Variants in SLF1 observed in about 807,000 individuals in gnomAD.
SLF1 encodes the protein SMC5-SMC6 complex localization factor protein 1.
SLF1 carries 105 observed loss-of-function variants against 123.0 expected under a neutral mutation model. The ratio of observed to expected loss-of-function variants is 0.85; its 90% CI spans 0.73 to 1.00. The LOEUF (loss-of-function observed/expected upper bound fraction) is 1.00. SLF1 is among the 50% of genes least tolerant of loss of function. The pLI is 0.00. For synonymous variants in SLF1, 434 were observed against 406.6 expected, an observed-to-expected ratio of 1.07 and a Z score of -0.81; for missense variants, 1,239 against 1,223.0, an observed-to-expected ratio of 1.01 and a Z score of -0.20.
intron 14 of SLF1, 52 bp from the exon 15 acceptor site, chr5:94,678,754 CAG>C (rs1173000669): frequency 2.7e-6 from 4 of 1,460,122 alleles, no homozygotes; most frequent in East Asian, 2.5e-5. Flanking sequence ...TAAATACTAA[CAG>C]AAATTCAATA....
chr5:94,688,737 G>C (rs1752734521), intron 17 of SLF1, 68 bp downstream of exon 17: 1 of 1,528,282 alleles, frequency 6.5e-7, no homozygotes, highest in Non-Finnish European at 9.0e-7. Flanking sequence ...TGCATTTCTT[G>C]AACTTAATGG....
At chr5:94,686,997 C>T (rs1752508040) in intron 16 of SLF1, among the ~76,000 whole-genome samples, 1 of 152,186 alleles carries the variant, frequency 6.6e-6, no homozygotes, top group Non-Finnish European at 1.5e-5. Context: ...ATCTCCTGAC[C>T]TCGTGATCTG....
intron 15 of SLF1, among the ~76,000 whole-genome samples, chr5:94,683,082 A>C (rs933240566): frequency 6.6e-6 from 1 of 152,232 alleles, no homozygotes; most frequent in African/African-American, 2.4e-5. Flanking sequence ...AGAAGATGTC[A>C]TCAAAATTTA....
chr5:94,680,377 T>C (rs997679191), intron 15 of SLF1, among the ~76,000 whole-genome samples: 4 of 152,232 alleles, frequency 2.6e-5, no homozygotes, highest in South Asian at 2.1e-4. Context: ...TGCATGACTT[T>C]AACATTTCTT....
At chr5:94,676,692 G>A (rs545223298) in intron 14 of SLF1, among the ~76,000 whole-genome samples, 11 of 152,372 alleles carry the variant, frequency 7.2e-5, no homozygotes, top group African/African-American at 2.2e-4. Context: ...TGCCCTTGAT[G>A]TGATAGGACA....
intron 4 of SLF1, among the ~76,000 whole-genome samples, chr5:94,633,786 T>A (rs1252945445): frequency 1.3e-5 from 2 of 152,220 alleles, no homozygotes; most frequent in Non-Finnish European, 2.9e-5. Flanking sequence ...GAAATTTAAA[T>A]TCTCATTTTG....
rs1304812533 is a variant in SLF1 at position 94,689,625 on chromosome 5, T to A, written c.2419+19T>A. 2.5e-6 allele frequency: 4 copies of A among 1,592,510 alleles called. No homozygotes were observed. The East Asian group carries it at 9.0e-5, about 36-fold the overall frequency. ...CTAAAAGGTATTCCAAGTATTTAAA[T>A]TAATTTATGCTAAGAACTTTTCATG... On this transcript the variant is annotated intron_variant, in intron 18 of 20. Coordinates refer to ENST00000265140, the MANE Select transcript of SLF1 (RefSeq NM_032290.4).
intron 8 of SLF1, among the ~76,000 whole-genome samples, chr5:94,653,871 G>GATCT (rs1561444777): frequency 6.8e-6 from 1 of 146,622 alleles, no homozygotes; most frequent in East Asian, 2.0e-4. Flanking sequence ...TTTTTTTAAC[G>GATCT]ATCTAAACCA....
chr5:94,656,766 A>G (rs935500695), intron 9 of SLF1, among the ~76,000 whole-genome samples: 3 of 151,770 alleles, frequency 2.0e-5, no homozygotes, highest in African/African-American at 7.3e-5. Context: ...TCGTTGGTGT[A>G]TAGTTCATAA....
intron 5 of SLF1, among the ~76,000 whole-genome samples, chr5:94,647,114 C>T (rs1747153431): frequency 6.6e-6 from 1 of 152,158 alleles, no homozygotes; most frequent in Non-Finnish European, 1.5e-5. Flanking sequence ...CTCAAATCTT[C>T]CTTTCCTAGA....
At chr5:94,648,617 G>A (rs569924263) in intron 5 of SLF1, among the ~76,000 whole-genome samples, 1 of 152,334 alleles carries the variant, frequency 6.6e-6, no homozygotes, top group South Asian at 2.1e-4. Flanking sequence ...GAGTAGCTGA[G>A]ATTACAGGCA....
chr5:94,646,852 TTATTAC>T (rs1307508292), intron 5 of SLF1, among the ~76,000 whole-genome samples: 1 of 152,186 alleles, frequency 6.6e-6, no homozygotes, highest in East Asian at 1.9e-4. Context: ...ATTGTGAGAA[TTATTAC>T]TATTACTACC....
chr5:94,681,470 A>C (rs527371124), intron 15 of SLF1, among the ~76,000 whole-genome samples: 7 of 152,164 alleles, frequency 4.6e-5, no homozygotes. Flanking sequence ...GGTTCAAATT[A>C]ATATTTTTCT....
intron 5 of SLF1, among the ~76,000 whole-genome samples, chr5:94,647,795 A>G (rs1420287166): frequency 1.3e-5 from 2 of 152,238 alleles, no homozygotes; most frequent in Admixed American, 6.5e-5. Flanking sequence ...TTAGCTGTAT[A>G]GATAATAGAT....
chr5:94,666,175 AT>A (rs1194318383), intron 12 of SLF1, among the ~76,000 whole-genome samples, 151 bp downstream of exon 12: 1 of 152,246 alleles, frequency 6.6e-6, no homozygotes, highest in African/African-American at 2.4e-5. Context: ...TGCAAAACTT[AT>A]GAAAAGGCAA....
chr5:94,681,266 G>T (rs1394964924), intron 15 of SLF1, among the ~76,000 whole-genome samples: 1 of 151,852 alleles, frequency 6.6e-6, no homozygotes, highest in East Asian at 1.9e-4. Context: ...AGTAGCTGGG[G>T]TTATAGGTGT....
chr5:94,691,426 T>G, intron 18 of SLF1, 138 bp from the exon 19 acceptor site: 1 of 247,164 alleles, frequency 4.0e-6, no homozygotes, highest in Non-Finnish European at 7.6e-6. Context: ...ATGCAGGGGA[T>G]GTTTAAACCA....
intron 14 of SLF1, among the ~76,000 whole-genome samples, chr5:94,675,023 G>A (rs1416616946): frequency 6.6e-6 from 1 of 152,230 alleles, no homozygotes; most frequent in Non-Finnish European, 1.5e-5. Flanking sequence ...ACTTTCTCAT[G>A]TTTCAAATGC....
Position 94,688,654 on chromosome 5 carries a change from G to C in SLF1, c.2270G>C (p.Gly757Ala). 3 of 1,613,934 alleles carry C rather than the reference G, an allele frequency of 1.9e-6. No homozygotes were observed. The highest frequency in any genetic ancestry group is 2.5e-6 in the Non-Finnish European group (3 of 1,179,920). Reference sequence around the variant, plus strand: ...GGTACTAAACAAAAACAAGTCGAAGGGCTGCCAGAGTTACTGTAAGTGATG... The same window carrying C: ...GGTACTAAACAAAAACAAGTCGAAGCGCTGCCAGAGTTACTGTAAGTGATG... ...LNGTKQKQVEGLPELLDLNLA... is the reference protein window; with the variant it reads ...LNGTKQKQVEALPELLDLNLA... The change falls in exon 17 of 21, where the codon GGG becomes GCG. Residue 757 changes from glycine (G) to alanine (A), a missense_variant. Physicochemically the swap from Gly to Ala is moderately conservative, Grantham distance 60 (BLOSUM62 0). Transcript: ENST00000265140.
Sources: allele counts gnomAD v4.1 joint callset (sites outside exome capture counted in the v4.1 genomes callset), GRCh38; gene constraint gnomAD v4.1.1; transcripts MANE v1.5; gene names NCBI Gene and HGNC (gene_info 2026-07-23, HGNC 2026-07-21).